Variants in EIF3A observed in about 807,000 individuals in gnomAD.
EIF3A encodes the protein EIF3, p180 subunit.
Under a neutral mutation model 186.6 loss-of-function variants are expected in EIF3A, and 21 were observed. The observed-to-expected ratio is 0.11, with a 90% CI of 0.08 to 0.16. EIF3A has a LOEUF of 0.16. Ranked by LOEUF, EIF3A falls within the 10% of genes least tolerant of loss-of-function variation. The probability of loss-of-function intolerance (pLI) is 1.00; values close to 1 mark genes in which losing one functional copy is unlikely to be tolerated. For synonymous variants in EIF3A, 563 were observed against 584.3 expected, an observed-to-expected ratio of 0.96 and a Z score of 0.52; for missense variants, 1,306 against 1,796.3, an observed-to-expected ratio of 0.73 and a Z score of 4.93.
intron 17 of EIF3A, among the ~76,000 whole-genome samples, chr10:119,045,985 TAAA>T (rs1309705507): frequency 6.6e-6 from 1 of 152,136 alleles, no homozygotes. Flanking sequence ...ATTAAAGATA[TAAA>T]GAGAACTTTA....
intron 1 of EIF3A, among the ~76,000 whole-genome samples, chr10:119,077,103 T>C (rs1367041166): frequency 2.0e-5 from 3 of 152,204 alleles, no homozygotes; most frequent in African/African-American, 7.2e-5. Flanking sequence ...ATCCAACTCC[T>C]AATCTAAAAA....
intron 1 of EIF3A, among the ~76,000 whole-genome samples, chr10:119,077,852 C>G (rs1844202690): frequency 6.6e-6 from 1 of 152,130 alleles, no homozygotes; most frequent in African/African-American, 2.4e-5. Flanking sequence ...CACGCCCGGC[C>G]TCCTCTGAAT....
Position 119,035,388 on chromosome 10 carries a change from T to C in EIF3A, c.*651A>G, listed in dbSNP as rs1031146036. ...CAAATGCTTTAAAATTTAAAAGCTATACTGTTTGGATTCACACTTGCGCAG... is the reference window on the plus strand; with the variant it reads ...CAAATGCTTTAAAATTTAAAAGCTACACTGTTTGGATTCACACTTGCGCAG... On this transcript the variant is annotated 3_prime_UTR_variant, in exon 22 of 22. Transcript: ENST00000369144. The C allele has an allele frequency of 6.6e-6, 1 of 152,130 alleles. No homozygotes were observed. The highest frequency in any genetic ancestry group is 1.5e-5 in the Non-Finnish European group (1 of 67,906). 9.4% of individuals were successfully genotyped at this position (152,130 alleles called of 1,614,324 possible). A position where few individuals can be genotyped will look rare whatever the true frequency, so the allele number is the denominator to read the frequency against.
At position 119,042,747 on chromosome 10, in the gene EIF3A, C is replaced by G. The variant is rs199545338; in HGVS notation, c.2773G>C (p.Asp925His). ...EKEWRRGEGRDEDRSHRRDEE... is the reference protein window; with the variant it reads ...EKEWRRGEGRHEDRSHRRDEE... Reference sequence around the variant, plus strand: ...TCTCTTCTATGAGACCTGTCCTCATCTCGCCCTTCTCCACGTCTCCACTCC... The same window carrying G: ...TCTCTTCTATGAGACCTGTCCTCATGTCGCCCTTCTCCACGTCTCCACTCC... The change falls in exon 19 of 22, where the codon GAT becomes CAT. Residue 925 changes from aspartate to histidine, a missense_variant. Coordinates refer to ENST00000369144, the MANE Select transcript of EIF3A (RefSeq NM_003750.4). The surrounding 1 kb of genome is among the most constrained non-coding windows in gnomAD (Gnocchi z 7.8). The G allele has an allele frequency of 6.2e-7, 1 of 1,608,694 alleles. No individual in the cohort carries two copies. Among genetic ancestry groups the G allele is most frequent in the African/African-American group, 1.3e-5 (1 of 74,964 alleles).
chr10:119,076,984 ATAAC>A (rs1422590717), intron 1 of EIF3A, among the ~76,000 whole-genome samples: 1 of 151,056 alleles, frequency 6.6e-6, no homozygotes, highest in East Asian at 1.9e-4. Context: ...GGCGTTCTTC[ATAAC>A]TAACAAAAAC....
intron 19 of EIF3A, among the ~76,000 whole-genome samples, chr10:119,039,309 G>C (rs149652498): frequency 6.6e-6 from 1 of 152,198 alleles, no homozygotes; most frequent in Non-Finnish European, 1.5e-5. Flanking sequence ...TTTATATACA[G>C]TACATATAGA....
At position 119,050,817 on chromosome 10, in the gene EIF3A, C is replaced by T. The variant is rs891228413; in HGVS notation, c.2320-143G>A. On this transcript the variant is annotated intron_variant, in intron 15 of 21. Transcript: ENST00000369144. Reference sequence around the variant, plus strand: ...CCTCTCAGCACAAAAACTCTAACTTCCAAATGACCATTAACTTGTCAGCAG... The same window carrying T: ...CCTCTCAGCACAAAAACTCTAACTTTCAAATGACCATTAACTTGTCAGCAG... 2.9e-5 allele frequency: 25 copies of T among 873,786 alleles called. No homozygotes were observed. The African/African-American group carries it at 3.6e-4, about 12-fold the overall frequency. 54.1% of individuals were successfully genotyped at this position (873,786 alleles called of 1,614,324 possible). A position where few individuals can be genotyped will look rare whatever the true frequency, so the allele number is the denominator to read the frequency against.
At position 119,042,546 on chromosome 10, in the gene EIF3A, T is replaced by C. The variant is rs1227473183; in HGVS notation, c.2974A>G (p.Thr992Ala). ...ADDDRPSWRN[T>A]DDDRPPRRIA... ...CGTCTGGGAGGCCTGTCATCATCTG[T>C]GTTACGCCAGGAAGGCCGGTCATCG... The change falls in exon 19 of 22, where the codon ACA becomes GCA. Residue 992 changes from threonine (T) to alanine (A), a missense_variant. By Grantham distance (58) the Thr-to-Ala change is moderately conservative. This residue lies in a region of EIF3A where 410 missense variants were observed against 473.5 expected (regional missense o/e 0.87). Transcript: ENST00000369144. This position sits in a 1 kb window ranked among gnomAD's most constrained non-coding sequence, Gnocchi z 7.8. 1.2e-6 allele frequency: 2 copies of C among 1,614,086 alleles called. No individual in the cohort carries two copies. Among genetic ancestry groups the C allele is most frequent in the Middle Eastern group, 1.6e-4 (1 of 6,062 alleles).
At chr10:119,068,092 A>G (rs987989454) in intron 6 of EIF3A, among the ~76,000 whole-genome samples, 8 of 152,142 alleles carry the variant, frequency 5.3e-5, no homozygotes, top group Admixed American at 2.0e-4. Context: ...GATTACAGAC[A>G]TGAGTCACTG....
At chr10:119,041,342 G>A (rs1322272284) in intron 19 of EIF3A, among the ~76,000 whole-genome samples, 1 of 152,176 alleles carries the variant, frequency 6.6e-6, no homozygotes, top group Non-Finnish European at 1.5e-5. Context: ...GGAGGGAGAG[G>A]CAGAAGGATA....
chr10:119,049,970 T>G lies in EIF3A; in HGVS notation c.2489A>C (p.Glu830Ala), dbSNP rs149195320. 45 of 1,613,906 alleles carry G rather than the reference T, an allele frequency of 2.8e-5. No individual in the cohort carries two copies. In the African/African-American group the frequency reaches 4.1e-4, roughly 15 times the overall value. ...EQMLKEREER[E>A]RAERAKREEE... ...CTCGCGTTTTGCTCGTTCGGCGCGC[T>G]CTCTCTCTTCCCGCTCTAGACCATT... Residue 830 changes from glutamate to alanine, a missense_variant, in exon 17 of 22, where the codon GAG (glutamate) becomes GCG (alanine). Physicochemically the swap from Glu to Ala is moderately radical, Grantham distance 107 (BLOSUM62 -1). This residue lies in a region of EIF3A where 410 missense variants were observed against 473.5 expected (regional missense o/e 0.87). Transcript: ENST00000369144.
At chr10:119,051,413 C>T (rs1848354849) in intron 14 of EIF3A, 92 bp from the exon 15 acceptor site, 1 of 1,236,168 alleles carries the variant, frequency 8.1e-7, no homozygotes, top group Non-Finnish European at 1.1e-6. Context: ...AAATTAGAAG[C>T]TGCTCCACTG....
chr10:119,064,209 TC>T (rs1843933674), intron 7 of EIF3A, among the ~76,000 whole-genome samples: 1 of 152,150 alleles, frequency 6.6e-6, no homozygotes, highest in Non-Finnish European at 1.5e-5. Context: ...CCTAATTAAG[TC>T]CATACTATTT....
At chr10:119,074,091 A>C (rs1844118848) in intron 1 of EIF3A, among the ~76,000 whole-genome samples, 154 bp from the exon 2 acceptor site, 1 of 152,220 alleles carries the variant, frequency 6.6e-6, no homozygotes, top group East Asian at 1.9e-4. Context: ...CATAATTATC[A>C]AAAGTAAAAC....
At chr10:119,062,085 G>A (rs1843897946) in intron 7 of EIF3A, among the ~76,000 whole-genome samples, 1 of 152,124 alleles carries the variant, frequency 6.6e-6, no homozygotes, top group Admixed American at 6.5e-5. Context: ...TGGGTACAAG[G>A]CTGAAATCCT....
At chr10:119,073,672 CA>C (rs1296815154) in intron 2 of EIF3A, 74 bp downstream of exon 2, 2 of 1,559,876 alleles carry the variant, frequency 1.3e-6, no homozygotes, top group African/African-American at 2.8e-5. Flanking sequence ...ACAATATATT[CA>C]CTTCGAAAGG....
rs1435151083 is a variant in EIF3A at position 119,042,702 on chromosome 10, G to C, written c.2818C>G (p.Leu940Val). 6.2e-7 allele frequency: 1 copy of C among 1,613,980 alleles called. No individual in the cohort carries two copies. Among genetic ancestry groups the C allele is most frequent in the South Asian group, 1.1e-5 (1 of 91,074 alleles). ...GGCTCTCTATCTTCATCATCCCCCA[G>C]ACGCCGGGGCCGCTCTTCATCTCTT... Reference protein sequence around the residue: ...HRRDEERPRRLGDDEDREPSL... With the variant: ...HRRDEERPRRVGDDEDREPSL... The change falls in exon 19 of 22, where the codon CTG becomes GTG. Residue 940 changes from leucine to valine, a missense_variant. Physicochemically the swap from Leu to Val is conservative, Grantham distance 32 (BLOSUM62 1). Transcript: ENST00000369144. This position sits in a 1 kb window ranked among gnomAD's most constrained non-coding sequence, Gnocchi z 7.8.
intron 18 of EIF3A, among the ~76,000 whole-genome samples, chr10:119,043,816 A>C (rs757142574): frequency 7.3e-5 from 11 of 151,144 alleles, no homozygotes; most frequent in Non-Finnish European, 1.3e-4. Flanking sequence ...GCTATTCGAG[A>C]GGCTGAGGCA....
Position 119,070,814 on chromosome 10 carries a change from T to A in EIF3A, c.741+72A>T, listed in dbSNP as rs114645109. ...TAACCAATGCATACCAAGATGAAGC[T>A]ATTCATTAAGGGGGGAGAAAAGTAA... On this transcript the variant is annotated intron_variant, in intron 5 of 21. Coordinates refer to ENST00000369144, the MANE Select transcript of EIF3A (RefSeq NM_003750.4). 129 of 1,044,390 alleles carry A rather than the reference T, an allele frequency of 1.2e-4. 1 individual carries two copies. The highest frequency in any genetic ancestry group is 1.2e-3 in the African/African-American group (79 of 63,984). 64.7% of individuals were successfully genotyped at this position (1,044,390 alleles called of 1,614,324 possible). A position where few individuals can be genotyped will look rare whatever the true frequency, so the allele number is the denominator to read the frequency against.
Sources: allele counts gnomAD v4.1 joint callset (sites outside exome capture counted in the v4.1 genomes callset), GRCh38; gene constraint gnomAD v4.1.1; regional missense constraint gnomAD v4.1.1; non-coding constraint Gnocchi (gnomAD v3.1); transcripts MANE v1.5; gene names NCBI Gene and HGNC (gene_info 2026-07-23, HGNC 2026-07-21).